Variants in DOP1B observed in about 807,000 individuals in gnomAD.
DOP1B encodes DOP1 leucine zipper like protein B.
DOP1B carries 174 observed loss-of-function variants against 233.5 expected under a neutral mutation model. That is an observed-to-expected ratio of 0.75 (90% CI 0.66 to 0.85). DOP1B has a LOEUF of 0.85. DOP1B is among the 40% of genes least tolerant of loss of function. DOP1B has a pLI of 0.00. For synonymous variants in DOP1B, 1,190 were observed against 1,185.6 expected, an observed-to-expected ratio of 1.00 and a Z score of -0.08; for missense variants, 2,652 against 2,846.6, an observed-to-expected ratio of 0.93 and a Z score of 1.56.
At chr21:36,181,791 G>A (rs75103736) in intron 2 of DOP1B, among the ~76,000 whole-genome samples, 5,461 of 151,492 alleles carry the variant, frequency 0.036, 114 homozygotes, top group South Asian at 0.069. Flanking sequence ...GAAGGGAGCC[G>A]TGATTTGGGT....
Position 36,260,417 on chromosome 21 carries a change from C to T in DOP1B, c.5260-260C>T, listed in dbSNP as rs545091396. Among the ~76,000 whole-genome samples, 279 of 152,156 alleles carry T rather than the reference C, an allele frequency of 1.8e-3. 4 individuals are homozygous for T. The highest frequency in any genetic ancestry group is 2.6e-4 in the African/African-American group (11 of 41,522). On this transcript the variant is annotated intron_variant, in intron 23 of 36. Coordinates refer to ENST00000691173, the MANE Select transcript of DOP1B (RefSeq NM_001320714.2). ...CCAATTTTCCCGAAATGCCTGTTGACGCCTGGAATGTAAAGTAGGTGCACA... is the reference window on the plus strand; with the variant it reads ...CCAATTTTCCCGAAATGCCTGTTGATGCCTGGAATGTAAAGTAGGTGCACA...
Position 36,268,165 on chromosome 21 carries a change from C to G in DOP1B, c.5488-1848C>G, listed in dbSNP as rs532310493. 2.8e-4 allele frequency among the ~76,000 whole-genome samples: 43 copies of G among 152,256 alleles called. 1 individual carries two copies. The South Asian group carries it at 6.6e-3, about 23-fold the overall frequency. On this transcript the variant is annotated intron_variant, in intron 26 of 36. Coordinates refer to ENST00000691173, the MANE Select transcript of DOP1B (RefSeq NM_001320714.2). ...GGTACTGCAGGAGACCAGGGCGTAT[C>G]TCAGTCCTTATCTCAACCGCATAAG...
chr21:36,288,065 A>G lies in DOP1B; in HGVS notation c.6212A>G (p.Gln2071Arg). The G allele has an allele frequency of 6.2e-7, 1 of 1,614,058 alleles. No individual in the cohort carries two copies. The highest frequency in any genetic ancestry group is 1.3e-5 in the African/African-American group (1 of 75,050). ...RVGQTSIVAA[Q>R]MFLFFRVLLL... ...GGACAGACATCCATAGTTGCTGCTCAGATGTTTCTTTTTTTCAGAGTTTTG... is the reference window on the plus strand; with the variant it reads ...GGACAGACATCCATAGTTGCTGCTCGGATGTTTCTTTTTTTCAGAGTTTTG... The change falls in exon 33 of 37, where the codon CAG becomes CGG. Residue 2071 changes from glutamine to arginine, a missense_variant. Transcript: ENST00000691173.
intron 2 of DOP1B, among the ~76,000 whole-genome samples, chr21:36,174,916 C>CA (rs2066007033): frequency 6.6e-6 from 1 of 152,212 alleles, no homozygotes; most frequent in African/African-American, 2.4e-5. Context: ...GCTGCCATAA[C>CA]AAAATACCAC....
intron 26 of DOP1B, among the ~76,000 whole-genome samples, chr21:36,264,820 A>T (rs1169101574): frequency 6.6e-6 from 1 of 152,174 alleles, no homozygotes; most frequent in East Asian, 1.9e-4. Flanking sequence ...CCATTATAAC[A>T]GTAATATATG....
intron 23 of DOP1B, among the ~76,000 whole-genome samples, chr21:36,259,189 T>C (rs2123630724): frequency 6.6e-6 from 1 of 151,978 alleles, no homozygotes; most frequent in East Asian, 1.9e-4. Context: ...ATGGTCTCGA[T>C]CTCCTGACCA....
At chr21:36,163,964 C>T (rs1455373615) in intron 1 of DOP1B, among the ~76,000 whole-genome samples, 3 of 152,210 alleles carry the variant, frequency 2.0e-5, no homozygotes, top group Admixed American at 1.3e-4. Context: ...GGACAAAAGG[C>T]TTATGCCAGG....
chr21:36,191,473 C>T (rs1160050582), intron 2 of DOP1B, among the ~76,000 whole-genome samples: 3 of 152,048 alleles, frequency 2.0e-5, no homozygotes, highest in African/African-American at 7.2e-5. Context: ...GAGGGGCTGG[C>T]GTGCAAGTGT....
At position 36,246,127 on chromosome 21, in the gene DOP1B, GT is replaced by G; in HGVS notation, c.4149del (p.Gln1384ArgfsTer59). On this transcript the variant is annotated frameshift_variant, in exon 19 of 37. Transcript: ENST00000691173. LOFTEE classifies it high-confidence loss of function. This position sits in a 1 kb window ranked among gnomAD's most constrained non-coding sequence, Gnocchi z 5.1. ...FIHSLLQRCK[V>X]QEFVLLSLSA... The stretch of plus-strand genomic sequence containing the variant: ...CCACAGCTTGCTGCAGAGGTGCAAA[GT>G]TCAGGAGTTTGTCCTGCTCTCCCTG... 3 of 1,614,078 alleles carry G rather than the reference GT, an allele frequency of 1.9e-6. No individual in the cohort carries two copies. The highest frequency in any genetic ancestry group is 2.5e-6 in the Non-Finnish European group (3 of 1,180,032).
At chr21:36,232,066 A>G (rs2066772829) in intron 14 of DOP1B, among the ~76,000 whole-genome samples, 1 of 152,028 alleles carries the variant, frequency 6.6e-6, no homozygotes, top group African/African-American at 2.4e-5. Flanking sequence ...GGATGGTCTC[A>G]ATCTTTTGAC....
chr21:36,245,400 C>T lies in DOP1B; in HGVS notation c.3420C>T (p.Asn1140=), dbSNP rs544063813. The T allele has an allele frequency of 2.6e-5, 42 of 1,614,086 alleles. No individual in the cohort carries two copies. The highest frequency in any genetic ancestry group is 3.3e-4 in the Middle Eastern group (2 of 6,062). The change falls in exon 19 of 37, where the codon AAC becomes AAT. Residue 1140 remains asparagine (N), a synonymous_variant. Transcript: ENST00000691173. The surrounding 1 kb of genome is among the most constrained non-coding windows in gnomAD (Gnocchi z 5.5). The part of the protein sequence containing the change: ...SPSHDLQELS[N]EENCCAPIPM... ...CCCACGACCTGCAGGAGCTGAGCAA[C>T]GAAGAGAACTGCTGTGCACCCATCC... is the stretch of plus-strand genomic sequence containing the variant.
Position 36,280,891 on chromosome 21 carries a change from A to T in DOP1B, c.6031+545A>T, listed in dbSNP as rs1024696217. Among the ~76,000 whole-genome samples, 12 of 152,196 alleles carry T rather than the reference A, an allele frequency of 7.9e-5. 1 individual carries two copies. In the South Asian group the frequency reaches 1.2e-3, roughly 16 times the overall value. On this transcript the variant is annotated intron_variant, in intron 31 of 36. Coordinates refer to ENST00000691173, the MANE Select transcript of DOP1B (RefSeq NM_001320714.2). ...GTGGCGGGCGCCTGTAGTCCCAGCT[A>T]CTCGGGAGGCTGAGGCAGGAGAATG...
chr21:36,169,339 G>T, intron 2 of DOP1B: 1 of 783,488 alleles, frequency 1.3e-6, no homozygotes, highest in Non-Finnish European at 2.3e-6. Flanking sequence ...AGATCTTCTT[G>T]TTGATCTCAG....
At chr21:36,241,376 C>T (rs764277329) in intron 18 of DOP1B, among the ~76,000 whole-genome samples, 4 of 151,770 alleles carry the variant, frequency 2.6e-5, no homozygotes, top group Non-Finnish European at 4.4e-5. Context: ...TAACGCTGTT[C>T]GAGAAGTTGA....
chr21:36,189,397 G>A (rs568773033), intron 2 of DOP1B, among the ~76,000 whole-genome samples: 2 of 152,200 alleles, frequency 1.3e-5, no homozygotes, highest in South Asian at 4.1e-4. Context: ...TTAATTTCCT[G>A]TTTAATCAGT....
At chr21:36,291,813 T>C (rs558880084) in intron 35 of DOP1B, among the ~76,000 whole-genome samples, 1 of 152,218 alleles carries the variant, frequency 6.6e-6, no homozygotes, top group East Asian at 1.9e-4. Flanking sequence ...TGATTCTGCT[T>C]ATATGGAATG....
Position 36,245,566 on chromosome 21 carries a change from G to A in DOP1B, c.3586G>A (p.Glu1196Lys). ...TQASESFSSDEEADLELQALT... is the reference protein window; with the variant it reads ...TQASESFSSDKEADLELQALT... ...GGCTTCTGAGTCGTTCTCCAGCGAC[G>A]AGGAGGCGGACTTGGAGCTCCAGGC... Residue 1196 changes from glutamate (E) to lysine (K), a missense_variant, in exon 19 of 37, where the codon GAG becomes AAG. This residue lies in a region of DOP1B where 2,617 missense variants were observed against 2,794.3 expected (regional missense o/e 0.94). Coordinates refer to ENST00000691173, the MANE Select transcript of DOP1B (RefSeq NM_001320714.2). This position sits in a 1 kb window ranked among gnomAD's most constrained non-coding sequence, Gnocchi z 5.5. The A allele has an allele frequency of 2.5e-6, 4 of 1,613,460 alleles. No homozygotes were observed. The highest frequency in any genetic ancestry group is 2.2e-5 in the East Asian group (1 of 44,882).
At chr21:36,261,409 G>T (rs908779548) in intron 24 of DOP1B, 1 of 992,044 alleles carries the variant, frequency 1.0e-6, no homozygotes, top group Non-Finnish European at 1.2e-6. Flanking sequence ...TTCTGGTGGC[G>T]TTCTCAGTGT....
intron 30 of DOP1B, among the ~76,000 whole-genome samples, chr21:36,279,796 A>G (rs1444387584): frequency 8.0e-6 from 1 of 124,918 alleles, no homozygotes; most frequent in African/African-American, 2.9e-5. Context: ...TAGGGTTATA[A>G]ATGAAAAGCT....
Sources: allele counts gnomAD v4.1 joint callset (sites outside exome capture counted in the v4.1 genomes callset), GRCh38; gene constraint gnomAD v4.1.1; regional missense constraint gnomAD v4.1.1; non-coding constraint Gnocchi (gnomAD v3.1); transcripts MANE v1.5; gene names NCBI Gene and HGNC (gene_info 2026-07-23, HGNC 2026-07-21).